The following DACH1 variants were observed in gnomAD, a reference collection of about 807,000 sequenced individuals.
DACH1 encodes the protein dachshund family transcription factor 1.
DACH1 carries 12 observed loss-of-function variants against 54.2 expected under a neutral mutation model. The ratio of observed to expected loss-of-function variants is 0.22; its 90% CI spans 0.14 to 0.36. The LOEUF is 0.36. DACH1 is among the 10% of genes least tolerant of loss of function. The probability of loss-of-function intolerance (pLI) is 1.00; values close to 1 mark genes in which losing one functional copy is unlikely to be tolerated. For synonymous variants in DACH1, 386 were observed against 366.2 expected (o/e 1.05, Z -0.62); for missense variants, 805 against 929.8 (o/e 0.87, Z 1.75).
intron 6 of DACH1, among the ~76,000 whole-genome samples, chr13:71,556,295 A>T (rs1014572254): frequency 6.6e-6 from 1 of 152,246 alleles, no homozygotes; most frequent in South Asian, 2.1e-4. Flanking sequence ...TCCTATCTAT[A>T]TTTATAAAGT....
chr13:71,776,814 A>T (rs1205364528), intron 1 of DACH1, among the ~76,000 whole-genome samples: 1 of 151,952 alleles, frequency 6.6e-6, no homozygotes, highest in Admixed American at 6.6e-5. Flanking sequence ...TTACTTTGTC[A>T]CTCACTGGTA....
rs767389322 is a variant in DACH1, at chr13:71,866,184, C to T, written c.586G>A (p.Ala196Thr). ...NECKMVDLRG[A>T]KVASFTVEGC... is the part of the protein sequence containing the mutation. ...TCCACCGTGAAGGAAGCCACTTTGG[C>T]CCCCCTCAGATCCACCATTTTGCAC... Residue 196 changes from alanine (A) to threonine (T), a missense_variant, in exon 1 of 11, where the codon GCC (alanine) becomes ACC (threonine). This residue lies in a region of DACH1 where 305 missense variants were observed against 308.7 expected (regional missense o/e 0.99). Coordinates refer to ENST00000613252, the MANE Select transcript of DACH1 (RefSeq NM_080759.6). 26 of 1,612,490 alleles carry T rather than the reference C, an allele frequency of 1.6e-5. No individual in the cohort carries two copies. In the Admixed American group the frequency reaches 3.0e-4, roughly 19 times the overall value.
intron 1 of DACH1, among the ~76,000 whole-genome samples, chr13:71,701,858 G>C (rs961721992): frequency 3.9e-5 from 6 of 152,072 alleles, no homozygotes; most frequent in Non-Finnish European, 8.8e-5. Context: ...TTATATAGTT[G>C]CTTTTCAACA....
At chr13:71,519,024 C>T (rs1178166994) in intron 6 of DACH1, among the ~76,000 whole-genome samples, 1 of 151,878 alleles carries the variant, frequency 6.6e-6, no homozygotes. Context: ...TGGTTTCTCA[C>T]TACAACAGGA....
At chr13:71,612,195 T>A (rs1037856588) in intron 3 of DACH1, among the ~76,000 whole-genome samples, 1 of 152,142 alleles carries the variant, frequency 6.6e-6, no homozygotes, top group East Asian at 1.9e-4. Context: ...ACGCTGTATA[T>A]ATATTATGCT....
intron 1 of DACH1, among the ~76,000 whole-genome samples, chr13:71,799,860 CT>C (rs1316950609): frequency 2.0e-5 from 3 of 152,230 alleles, no homozygotes; most frequent in Admixed American, 6.5e-5. Flanking sequence ...ATCATTATAT[CT>C]CCATTTTCGG....
At chr13:71,748,852 TTCTTTC>T (rs1566476487) in intron 1 of DACH1, among the ~76,000 whole-genome samples, 1 of 28,954 alleles carries the variant, frequency 3.5e-5, no homozygotes, top group African/African-American at 7.8e-5. Context: ...TTCTCTTTCT[TTCTTTC>T]TTTCTTTCTT....
chr13:71,508,044 T>G (rs556274858), intron 6 of DACH1, among the ~76,000 whole-genome samples: 61 of 152,296 alleles, frequency 4.0e-4, no homozygotes, highest in African/African-American at 1.4e-3. Context: ...TCCTAGTCAT[T>G]GCACTCATGT....
intron 1 of DACH1, among the ~76,000 whole-genome samples, chr13:71,828,504 A>G (rs1336614014): frequency 1.3e-5 from 2 of 152,072 alleles, no homozygotes; most frequent in Non-Finnish European, 2.9e-5. Context: ...CATCTTTTTC[A>G]ACTTTTATAT....
chr13:71,466,871 A>AGAT (rs1876627330), intron 10 of DACH1, among the ~76,000 whole-genome samples: 2 of 150,292 alleles, frequency 1.3e-5, no homozygotes, highest in Admixed American at 1.3e-4. Context: ...AAAAGACAAC[A>AGAT]GATATATTAC....
At chr13:71,788,413 G>C (rs1399007082) in intron 1 of DACH1, among the ~76,000 whole-genome samples, 1 of 151,954 alleles carries the variant, frequency 6.6e-6, no homozygotes, top group African/African-American at 2.4e-5. Flanking sequence ...ACACAAATAT[G>C]CATATACATT....
intron 1 of DACH1, among the ~76,000 whole-genome samples, chr13:71,825,153 T>C (rs1000928921): frequency 6.6e-6 from 1 of 152,112 alleles, no homozygotes; most frequent in Non-Finnish European, 1.5e-5. Flanking sequence ...TTAAATGTCT[T>C]ATGTGCTTCA....
Position 71,559,958 on chromosome 13 carries a change from G to A in DACH1, c.1300-3C>T, listed in dbSNP as rs568132200. 27 of 1,537,198 alleles carry A rather than the reference G, an allele frequency of 1.8e-5. No individual in the cohort carries two copies. The African/African-American group carries it at 3.3e-4, about 19-fold the overall frequency. On this transcript the variant is annotated splice_region_variant and splice_polypyrimidine_tract_variant and intron_variant, in intron 4 of 10. Transcript: ENST00000613252. ...GAGGGGCTATCAGGAACACGCTCCT[G>A]CACCAGCAAGAGAGGGAAGGAGGGT...
At chr13:71,650,190 C>T (rs1450985995) in intron 2 of DACH1, among the ~76,000 whole-genome samples, 7 of 152,066 alleles carry the variant, frequency 4.6e-5, no homozygotes, top group Non-Finnish European at 1.5e-5. Context: ...ATGTGTATTT[C>T]CCCCATATTC....
intron 1 of DACH1, among the ~76,000 whole-genome samples, chr13:71,750,131 A>T (rs1025044002): frequency 7.9e-5 from 12 of 152,106 alleles, no homozygotes; most frequent in Non-Finnish European, 1.5e-4. Context: ...CGCCTGGAAC[A>T]TCCTCCTTTC....
chr13:71,855,967 T>C (rs1292965978), intron 1 of DACH1, among the ~76,000 whole-genome samples: 1 of 151,948 alleles, frequency 6.6e-6, no homozygotes, highest in African/African-American at 2.4e-5. Flanking sequence ...GATATATACA[T>C]AAAGAGAAGA....
In DACH1 at chr13:71,836,724, T is replaced by A. The variant is rs573571780; in HGVS notation, c.848+29198A>T. 3.8e-4 allele frequency among the ~76,000 whole-genome samples: 58 copies of A among 152,168 alleles called. No individual in the cohort carries two copies. The South Asian group carries it at 0.011, about 29-fold the overall frequency. On this transcript the variant is annotated intron_variant, in intron 1 of 10. Coordinates refer to ENST00000613252, the MANE Select transcript of DACH1 (RefSeq NM_080759.6). ...ATTGACTCAAATGTCATTTTCTCAG[T>A]GAGGTAGGCCTCATTCTGACCACTT...
chr13:71,821,847 G>A (rs2138184499), intron 1 of DACH1, among the ~76,000 whole-genome samples: 1 of 152,186 alleles, frequency 6.6e-6, no homozygotes, highest in South Asian at 2.1e-4. Context: ...CGGATCACAA[G>A]GTCAAAAGAT....
At chr13:71,559,721 C>T in intron 5 of DACH1, 99 bp downstream of exon 5, 2 of 1,458,856 alleles carry the variant, frequency 1.4e-6, no homozygotes, top group South Asian at 2.4e-5. Flanking sequence ...AGAACATGAT[C>T]CATCTGAGAT....
Sources: gnomAD v4.1 joint callset for allele counts (sites outside exome capture counted in the v4.1 genomes callset) on GRCh38, gnomAD v4.1.1 for gene constraint, gnomAD v4.1.1 regional missense constraint, MANE v1.5 for transcripts, NCBI Gene and HGNC (gene_info 2026-07-23, HGNC 2026-07-21) for gene names.